Variants in DOCK10 observed in about 807,000 individuals in gnomAD.
DOCK10 encodes dedicator of cytokinesis 10.
In DOCK10, 145 loss-of-function variants were observed where a neutral mutation model predicts 280.1. That is an observed-to-expected ratio of 0.52 (90% CI 0.45 to 0.59). DOCK10 has a LOEUF of 0.59. Among genes scored for constraint, DOCK10 ranks in the 20% least tolerant of loss-of-function variants. DOCK10 has a pLI of 0.00. For synonymous variants in DOCK10, 915 were observed against 942.2 expected (o/e 0.97, Z 0.53); for missense variants, 2,368 against 2,651.7 (o/e 0.89, Z 2.35).
rs1400381341 is a variant in DOCK10, at chr2:224,962,435, G to C, written c.124-30767C>G. The stretch of plus-strand genomic sequence containing the variant: ...GTTAAAGGGAAAATATGGAACATGA[G>C]AGTCCACTCTCTACCCACTTTTTTC... On this transcript the variant is annotated intron_variant, in intron 1 of 55. Coordinates refer to ENST00000258390, the MANE Select transcript of DOCK10 (RefSeq NM_014689.3). Among the ~76,000 whole-genome samples, 3 of 152,160 alleles carry C rather than the reference G, an allele frequency of 2.0e-5. No individual in the cohort carries two copies. In the South Asian group the frequency reaches 6.2e-4, roughly 32 times the overall value.
chr2:224,796,359 A>G lies in DOCK10; in HGVS notation c.4895T>C (p.Leu1632Pro). 6.4e-7 allele frequency: 1 copy of G among 1,574,520 alleles called. No homozygotes were observed. Among genetic ancestry groups the G allele is most frequent in the Non-Finnish European group, 8.6e-7 (1 of 1,158,750 alleles). The change falls in exon 44 of 56, where the codon CTT (leucine) becomes CCT (proline). Residue 1632 changes from leucine (L) to proline (P), a missense_variant. Physicochemically the swap from Leu to Pro is moderately conservative, Grantham distance 98 (BLOSUM62 -3). Transcript: ENST00000258390. The part of the protein sequence containing the change: ...GIGGSRFQHS[L>P]AITNNFANGD... Reference sequence around the variant, plus strand: ...ATTGGCGAAATTATTGGTAATTGCAAGCGAATGTTGAAACCGAGAGCCTCC... The same window carrying G: ...ATTGGCGAAATTATTGGTAATTGCAGGCGAATGTTGAAACCGAGAGCCTCC...
intron 1 of DOCK10, among the ~76,000 whole-genome samples, chr2:225,032,948 A>G (rs974459443): frequency 6.6e-6 from 1 of 152,220 alleles, no homozygotes; most frequent in Non-Finnish European, 1.5e-5. Context: ...AGATAATTAT[A>G]TGAAGAAAAA....
At chr2:224,909,787 G>C (rs1700896416) in intron 3 of DOCK10, among the ~76,000 whole-genome samples, 1 of 152,214 alleles carries the variant, frequency 6.6e-6, no homozygotes. Context: ...ACTAGAGCTT[G>C]ATGTTAACAT....
intron 42 of DOCK10, 107 bp downstream of exon 42, chr2:224,797,725 A>G (rs1386794312): frequency 1.5e-6 from 2 of 1,311,934 alleles, no homozygotes; most frequent in Non-Finnish European, 2.1e-6. Flanking sequence ...GAAGAAAACA[A>G]TCCTTCTTCC....
intron 3 of DOCK10, among the ~76,000 whole-genome samples, chr2:224,914,860 G>A (rs1248358225): frequency 6.6e-6 from 1 of 152,112 alleles, no homozygotes; most frequent in African/African-American, 2.4e-5. Flanking sequence ...ACACACCTAA[G>A]AAATTAAATA....
chr2:225,008,737 C>G (rs1369281101), intron 1 of DOCK10, among the ~76,000 whole-genome samples: 1 of 152,178 alleles, frequency 6.6e-6, no homozygotes, highest in Non-Finnish European at 1.5e-5. Context: ...GGGGCAAGTA[C>G]TACCTGTAAT....
At chr2:224,768,958 A>G (rs1191151662) in intron 55 of DOCK10, 1 of 455,466 alleles carries the variant, frequency 2.2e-6, no homozygotes, top group South Asian at 1.6e-5. Flanking sequence ...CTGCCAGGAA[A>G]AAAGAGAAAA....
intron 55 of DOCK10, among the ~76,000 whole-genome samples, chr2:224,766,724 A>C (rs929337242): frequency 1.3e-5 from 2 of 152,046 alleles, no homozygotes; most frequent in Non-Finnish European, 2.9e-5. Flanking sequence ...GTTGAAACAG[A>C]CTCCAAATGG....
intron 4 of DOCK10, among the ~76,000 whole-genome samples, chr2:224,894,655 T>A (rs916401571): frequency 6.6e-6 from 1 of 152,192 alleles, no homozygotes; most frequent in African/African-American, 2.4e-5. Context: ...TTGCAAGAGC[T>A]TGTCTATCAG....
chr2:224,891,171 G>A (rs1020282996), intron 4 of DOCK10, among the ~76,000 whole-genome samples: 4 of 152,182 alleles, frequency 2.6e-5, no homozygotes, highest in African/African-American at 7.2e-5. Flanking sequence ...TCTAGGTGAT[G>A]GGAATAGTGG....
At chr2:224,842,453 G>A (rs1696028675) in intron 22 of DOCK10, among the ~76,000 whole-genome samples, 1 of 152,064 alleles carries the variant, frequency 6.6e-6, no homozygotes, top group African/African-American at 2.4e-5. Context: ...CCCTGAGGGT[G>A]GGAGCTACAC....
In DOCK10 at chr2:224,809,492, T is replaced by C. The variant is rs964442515; in HGVS notation, c.3410-1406A>G. On this transcript the variant is annotated intron_variant, in intron 31 of 55. Transcript: ENST00000258390. ...AACTCTACAAGGAACTCATACAACA[T>C]AATAGCAACAAACAAACAAACAAAA... 2.0e-5 allele frequency among the ~76,000 whole-genome samples: 3 copies of C among 151,918 alleles called. No individual in the cohort carries two copies. The East Asian group carries it at 5.8e-4, about 29-fold the overall frequency.
intron 1 of DOCK10, among the ~76,000 whole-genome samples, chr2:225,001,365 C>T (rs1324361719): frequency 6.7e-6 from 1 of 149,498 alleles, no homozygotes; most frequent in Non-Finnish European, 1.5e-5. Flanking sequence ...TCTCAGCTCA[C>T]TGCAAGCTCC....
chr2:224,966,641 C>A (rs571379846), intron 1 of DOCK10, among the ~76,000 whole-genome samples: 1 of 152,246 alleles, frequency 6.6e-6, no homozygotes, highest in East Asian at 1.9e-4. Flanking sequence ...AGCCTTTAAA[C>A]CTCAGTTGTT....
chr2:224,835,832 G>T (rs540058627), intron 25 of DOCK10, among the ~76,000 whole-genome samples: 3 of 152,294 alleles, frequency 2.0e-5, no homozygotes, highest in South Asian at 4.1e-4. Context: ...TTCCACATAG[G>T]TGTATTTTTG....
At chr2:224,903,092 C>T (rs912498096) in intron 3 of DOCK10, among the ~76,000 whole-genome samples, 2 of 152,098 alleles carry the variant, frequency 1.3e-5, no homozygotes, top group African/African-American at 2.4e-5. Flanking sequence ...AGCGAGACTC[C>T]GTCTCAAAAA....
In DOCK10 at chr2:224,797,158, GA is replaced by G; in HGVS notation, c.4645-13del. On this transcript the variant is annotated splice_polypyrimidine_tract_variant and intron_variant, in intron 42 of 55. Transcript: ENST00000258390. ...AACGCTGAAGGAAACTGCAGAAATG[GA>G]AGAACGGGTGAAGGGAGCAACATGC... The G allele has an allele frequency of 6.3e-7, 1 of 1,591,590 alleles. No homozygotes were observed. The highest frequency in any genetic ancestry group is 8.6e-7 in the Non-Finnish European group (1 of 1,168,870).
chr2:224,909,280 G>A (rs1482664847), intron 3 of DOCK10, among the ~76,000 whole-genome samples: 1 of 152,112 alleles, frequency 6.6e-6, no homozygotes, highest in South Asian at 2.1e-4. Context: ...GTTTTATCAC[G>A]GAAGTGTTTA....
chr2:224,849,484 G>A (rs1367183453), intron 19 of DOCK10, 23 bp downstream of exon 19: 5 of 1,553,294 alleles, frequency 3.2e-6, no homozygotes, highest in Non-Finnish European at 4.4e-6. Context: ...AACCGCTGGG[G>A]GCAGTGGAGG....
Sources: gnomAD v4.1 joint callset for allele counts (sites outside exome capture counted in the v4.1 genomes callset) on GRCh38, gnomAD v4.1.1 for gene constraint, MANE v1.5 for transcripts, NCBI Gene and HGNC (gene_info 2026-07-23, HGNC 2026-07-21) for gene names.